The following CHD9 variants were observed in gnomAD, a reference collection of about 807,000 sequenced individuals.
CHD9 encodes ATP-dependent chromatin remodeler CHD9.
A neutral mutation model predicts 316.1 loss-of-function variants in CHD9; 77 were observed. The observed-to-expected ratio is 0.24, with a 90% CI of 0.20 to 0.29. CHD9 has a LOEUF of 0.29. Among genes scored for constraint, CHD9 ranks in the 10% least tolerant of loss-of-function variants. CHD9 has a pLI of 1.00. For synonymous variants in CHD9, 1,129 were observed against 1,158.3 expected (o/e 0.97, Z 0.51); for missense variants, 2,763 against 3,438.1 (o/e 0.80, Z 4.91).
intron 22 of CHD9, 150 bp from the exon 23 acceptor site, chr16:53,273,476 T>C: frequency 2.0e-6 from 1 of 501,438 alleles, no homozygotes; most frequent in Non-Finnish European, 3.6e-6. Context: ...ATCATCTTGA[T>C]TTGTGGTTGG....
chr16:53,263,170 G>T (rs527593356), intron 20 of CHD9, 73 bp downstream of exon 20: 3 of 1,157,826 alleles, frequency 2.6e-6, no homozygotes, highest in Admixed American at 2.2e-5. Flanking sequence ...ATATTTTAAG[G>T]TGTTCAATTA....
chr16:53,201,398 G>GT lies in CHD9; in HGVS notation c.1453-8083dup, dbSNP rs147392675. 2.2e-3 allele frequency among the ~76,000 whole-genome samples: 339 copies of GT among 152,176 alleles called. 2 individuals carry two copies. The highest frequency in any genetic ancestry group is 7.9e-3 in the African/African-American group (326 of 41,520). ...CTGGCATTTTTATCAAAACCACTTAGTACCCCTATGTCTTAAAGTGTGATC... is the reference window on the plus strand; with the variant it reads ...CTGGCATTTTTATCAAAACCACTTAGTTACCCCTATGTCTTAAAGTGTGATC... On this transcript the variant is annotated intron_variant, in intron 2 of 38. Transcript: ENST00000447540.
chr16:53,228,537 GTTTTTT>G (rs758037912), intron 7 of CHD9, among the ~76,000 whole-genome samples: 1 of 105,060 alleles, frequency 9.5e-6, no homozygotes, highest in Non-Finnish European at 1.9e-5. Flanking sequence ...CCATGAAAGT[GTTTTTT>G]TTTTTTTTTT....
intron 1 of CHD9, among the ~76,000 whole-genome samples, chr16:53,082,084 C>T (rs1488571027): frequency 6.6e-6 from 1 of 152,172 alleles, no homozygotes; most frequent in Non-Finnish European, 1.5e-5. Flanking sequence ...GTCTCAGGCT[C>T]TGTGCTTTAA....
intron 2 of CHD9, among the ~76,000 whole-genome samples, chr16:53,172,650 C>T (rs967088352): frequency 1.3e-5 from 2 of 152,112 alleles, no homozygotes; most frequent in African/African-American, 4.8e-5. Flanking sequence ...CTAAGAGTTC[C>T]GTTCGCTCCA....
rs765490134 is a variant in CHD9 at position 53,297,146 on chromosome 16, C to T, written c.5701C>T (p.Pro1901Ser). 3 of 1,612,764 alleles carry T rather than the reference C, an allele frequency of 1.9e-6. No homozygotes were observed. Among genetic ancestry groups the T allele is most frequent in the South Asian group, 2.2e-5 (2 of 90,952 alleles). Residue 1901 changes from proline (P) to serine (S), a missense_variant, in exon 30 of 39, where the codon CCT becomes TCT. Physicochemically the swap from Pro to Ser is moderately conservative, Grantham distance 74 (BLOSUM62 -1). This residue lies in a region of CHD9 where 183 missense variants were observed against 258.5 expected (regional missense o/e 0.71). Coordinates refer to ENST00000447540, the MANE Select transcript of CHD9 (RefSeq NM_001308319.2). ...MSMCRRVCRL[P>S]SKEELVDPNI... ...CATGTGTCGGAGGGTTTGTCGTCTTCCTTCCAAAGAAGGTATGTATAAAAT... is the reference window on the plus strand; with the variant it reads ...CATGTGTCGGAGGGTTTGTCGTCTTTCTTCCAAAGAAGGTATGTATAAAAT...
intron 2 of CHD9, among the ~76,000 whole-genome samples, chr16:53,203,842 T>C (rs995434709): frequency 6.6e-6 from 1 of 151,344 alleles, no homozygotes; most frequent in Non-Finnish European, 1.5e-5. Flanking sequence ...GCTAACATGG[T>C]GAAACCCCGT....
intron 19 of CHD9, among the ~76,000 whole-genome samples, chr16:53,261,916 A>G (rs978947787): frequency 6.6e-6 from 1 of 152,240 alleles, no homozygotes; most frequent in Admixed American, 6.5e-5. Context: ...GGTATTAATT[A>G]TCTAGTGCTT....
At chr16:53,072,196 A>G (rs1163234563) in intron 1 of CHD9, among the ~76,000 whole-genome samples, 1 of 151,892 alleles carries the variant, frequency 6.6e-6, no homozygotes, top group African/African-American at 2.4e-5. Context: ...CACAGGGCCA[A>G]CTTCCCGGCC....
intron 3 of CHD9, among the ~76,000 whole-genome samples, chr16:53,213,151 A>G (rs1403180947): frequency 6.6e-6 from 1 of 152,212 alleles, no homozygotes; most frequent in Non-Finnish European, 1.5e-5. Context: ...ATTAATGGCT[A>G]TTTTGACATG....
At position 53,156,496 on chromosome 16, in the gene CHD9, A is replaced by G. The variant is rs371969242; in HGVS notation, c.407A>G (p.Gln136Arg). 6 of 1,613,858 alleles carry G rather than the reference A, an allele frequency of 3.7e-6. No homozygotes were observed. The highest frequency in any genetic ancestry group is 5.1e-6 in the Non-Finnish European group (6 of 1,179,876). ...CAGACAGCTACTACCATTTCAAATCAAAATGGATCTCCTTTTCACCAACAA... is the reference window on the plus strand; with the variant it reads ...CAGACAGCTACTACCATTTCAAATCGAAATGGATCTCCTTTTCACCAACAA... ...GHQTATTISN[Q>R]NGSPFHQQGH... Residue 136 changes from glutamine (Q) to arginine (R), a missense_variant, in exon 2 of 39, where the codon CAA becomes CGA. Physicochemically the swap from Gln to Arg is conservative, Grantham distance 43. Transcript: ENST00000447540.
chr16:53,246,668 C>A (rs974806470), intron 15 of CHD9, among the ~76,000 whole-genome samples: 2 of 152,014 alleles, frequency 1.3e-5, no homozygotes, highest in Non-Finnish European at 2.9e-5. Flanking sequence ...GCATATGCAC[C>A]ACCATACCCA....
intron 2 of CHD9, among the ~76,000 whole-genome samples, chr16:53,164,594 A>G (rs1302182866): frequency 6.6e-6 from 1 of 151,518 alleles, no homozygotes; most frequent in East Asian, 1.9e-4. Context: ...ACAAAAAACA[A>G]CCATAACAAC....
At chr16:53,105,579 C>A (rs547293165) in intron 1 of CHD9, among the ~76,000 whole-genome samples, 2 of 152,122 alleles carry the variant, frequency 1.3e-5, no homozygotes, top group African/African-American at 4.8e-5. Context: ...ATTAACAATA[C>A]GCCAGTGAAT....
rs2056211620 is a variant in CHD9 at position 53,308,760 on chromosome 16, T to C, written c.7128T>C (p.Ala2376=). ...GACCATTTGATGGTGAAGACGGTGCTCTGGGGCAGCAGCAGTACCTCACTC... is the reference window on the plus strand; with the variant it reads ...GACCATTTGATGGTGAAGACGGTGCCCTGGGGCAGCAGCAGTACCTCACTC... ...QKRPFDGEDG[A]LGQQQYLTRL... is the part of the protein sequence containing the mutation. The change falls in exon 34 of 39, where the codon GCT becomes GCC. Residue 2376 remains alanine (A), a synonymous_variant. Transcript: ENST00000447540. 2.2e-5 allele frequency: 35 copies of C among 1,613,482 alleles called. No individual in the cohort carries two copies. The highest frequency in any genetic ancestry group is 3.0e-5 in the Non-Finnish European group (35 of 1,179,724).
At chr16:53,186,416 T>C (rs1441473848) in intron 2 of CHD9, among the ~76,000 whole-genome samples, 2 of 152,244 alleles carry the variant, frequency 1.3e-5, no homozygotes, top group Non-Finnish European at 2.9e-5. Flanking sequence ...GCCTTCATTG[T>C]ATCTAGGAAG....
chr16:53,144,730 A>G (rs895468311), intron 1 of CHD9, among the ~76,000 whole-genome samples: 4 of 152,002 alleles, frequency 2.6e-5, no homozygotes, highest in Admixed American at 6.6e-5. Context: ...TTCATTATGT[A>G]GGCCAGGCTG....
chr16:53,314,878 C>T lies in CHD9; in HGVS notation c.7418C>T (p.Ser2473Phe), dbSNP rs773891598. The T allele has an allele frequency of 3.7e-6, 6 of 1,613,646 alleles. No homozygotes were observed. In the South Asian group the frequency reaches 4.4e-5, roughly 12 times the overall value. The change falls in exon 36 of 39, where the codon TCC becomes TTC. Residue 2473 changes from serine to phenylalanine, a missense_variant. By Grantham distance (155) the Ser-to-Phe change is radical (BLOSUM62 -2). Transcript: ENST00000447540. ...TCCACAGGGATAAATCCAGCACTAT[C>T]CTATACTCAACCTCAAGGAATTCCT... ...QISTGINPAL[S>F]YTQPQGIPDT...
chr16:53,069,373 CAGA>C (rs1271251437), intron 1 of CHD9, among the ~76,000 whole-genome samples: 1 of 152,202 alleles, frequency 6.6e-6, no homozygotes, highest in African/African-American at 2.4e-5. Flanking sequence ...TATCCATCTC[CAGA>C]ACTCTTTTTC....
Sources: gnomAD v4.1 joint callset for allele counts (sites outside exome capture counted in the v4.1 genomes callset) on GRCh38, gnomAD v4.1.1 for gene constraint, gnomAD v4.1.1 regional missense constraint, MANE v1.5 for transcripts, NCBI Gene and HGNC (gene_info 2026-07-23, HGNC 2026-07-21) for gene names.